The following DOCK5 variants were observed in gnomAD, a reference collection of about 807,000 sequenced individuals.
The protein encoded by DOCK5 is dedicator of cytokinesis protein 5.
A neutral mutation model predicts 251.8 loss-of-function variants in DOCK5; 142 were observed. That is an observed-to-expected ratio of 0.56 (90% CI 0.49 to 0.65). The LOEUF (loss-of-function observed/expected upper bound fraction) is 0.65, where lower values mean the gene tolerates loss of function less well. DOCK5 is among the 30% of genes least tolerant of loss of function. The probability of loss-of-function intolerance (pLI) is 0.00; values close to 1 mark genes in which losing one functional copy is unlikely to be tolerated. For synonymous variants in DOCK5, 842 were observed against 835.5 expected (o/e 1.01, Z -0.13); for missense variants, 2,111 against 2,312.3 (o/e 0.91, Z 1.79).
In DOCK5 at chr8:25,228,493, C is replaced by G. The variant is rs990103277; in HGVS notation, c.44-15181C>G. On this transcript the variant is annotated intron_variant, in intron 1 of 51. Transcript: ENST00000276440. ...TTGTGGCTACCCCATAGGCAGTGTG[C>G]CCACAATGGCAGCTCTGGTTCTACA... is the stretch of plus-strand genomic sequence containing the variant. Among the ~76,000 whole-genome samples, 5 of 152,126 alleles carry G rather than the reference C, an allele frequency of 3.3e-5. No homozygotes were observed. The East Asian group carries it at 5.8e-4, about 18-fold the overall frequency.
chr8:25,359,125 T>A, intron 28 of DOCK5, 64 bp downstream of exon 28: 2 of 1,427,392 alleles, frequency 1.4e-6, no homozygotes, highest in East Asian at 2.3e-5. Flanking sequence ...AAAAAATGAC[T>A]GAAGCTGAGC....
chr8:25,217,108 A>G (rs551804223), intron 1 of DOCK5, among the ~76,000 whole-genome samples: 15 of 149,034 alleles, frequency 1.0e-4, no homozygotes, highest in Admixed American at 2.0e-4. Flanking sequence ...ACACATATAT[A>G]CGTATATATG....
intron 2 of DOCK5, among the ~76,000 whole-genome samples, chr8:25,248,377 C>T (rs950009148): frequency 7.2e-5 from 11 of 152,170 alleles, no homozygotes; most frequent in African/African-American, 2.7e-4. Context: ...CCTAGTCCCT[C>T]TTAACTTTAG....
intron 9 of DOCK5, 112 bp from the exon 10 acceptor site, chr8:25,302,213 A>G: frequency 1.4e-6 from 2 of 1,385,106 alleles, no homozygotes; most frequent in Non-Finnish European, 1.9e-6. Flanking sequence ...ATACTTCAGC[A>G]TTGAGAAATA....
At chr8:25,298,856 G>A (rs967027130) in intron 7 of DOCK5, 88 bp from the exon 8 acceptor site, 2 of 1,380,394 alleles carry the variant, frequency 1.4e-6, no homozygotes, top group East Asian at 2.6e-5. Flanking sequence ...TCTGCCATTT[G>A]CAGGCTTATT....
intron 6 of DOCK5, among the ~76,000 whole-genome samples, 153 bp downstream of exon 6, chr8:25,292,325 T>C (rs1009066728): frequency 1.3e-5 from 2 of 152,118 alleles, no homozygotes; most frequent in African/African-American, 2.4e-5. Flanking sequence ...TTTAATTTTG[T>C]TGAAAAAAAT....
intron 2 of DOCK5, among the ~76,000 whole-genome samples, chr8:25,258,255 A>G (rs1212914596): frequency 6.6e-6 from 1 of 151,856 alleles, no homozygotes; most frequent in East Asian, 2.0e-4. Context: ...TTGTCTCAGA[A>G]GGTATTTACT....
intron 5 of DOCK5, among the ~76,000 whole-genome samples, chr8:25,288,181 C>T (rs905240863): frequency 1.1e-4 from 17 of 152,240 alleles, no homozygotes; most frequent in Admixed American, 6.5e-5. Flanking sequence ...CCACTGCGCC[C>T]GGCCAGCCCG....
chr8:25,194,726 C>T (rs181353811), intron 1 of DOCK5, among the ~76,000 whole-genome samples: 1 of 152,258 alleles, frequency 6.6e-6, no homozygotes, highest in African/African-American at 2.4e-5. Flanking sequence ...CCTCTCTAAC[C>T]CCAGAACCGC....
chr8:25,341,129 G>A (rs1459124477), intron 23 of DOCK5, 141 bp downstream of exon 23: 2 of 579,284 alleles, frequency 3.5e-6, no homozygotes, highest in Non-Finnish European at 5.8e-6. Flanking sequence ...ATGATTTACA[G>A]AAAATAAAGG....
intron 5 of DOCK5, among the ~76,000 whole-genome samples, chr8:25,285,420 C>T (rs1276525838): frequency 2.6e-5 from 4 of 152,128 alleles, no homozygotes; most frequent in Non-Finnish European, 5.9e-5. Flanking sequence ...TGCTGGGATA[C>T]AGGTGTGAGC....
intron 5 of DOCK5, among the ~76,000 whole-genome samples, chr8:25,290,155 A>T (rs1207468803): frequency 2.6e-5 from 4 of 152,232 alleles, no homozygotes; most frequent in Non-Finnish European, 5.9e-5. Context: ...AAACTTTATT[A>T]CCAGCACATA....
Position 25,330,239 on chromosome 8 carries a change from A to G in DOCK5, c.1904-2012A>G, listed in dbSNP as rs975943832. ...GAATATATTAATGATTGGGTTGAGC[A>G]TATTATCAGTTTCCTTAGGGCTACT... On this transcript the variant is annotated intron_variant, in intron 18 of 51. Coordinates refer to ENST00000276440, the MANE Select transcript of DOCK5 (RefSeq NM_024940.8). Among the ~76,000 whole-genome samples the G allele has an allele frequency of 2.0e-5, 3 of 152,224 alleles. No homozygotes were observed. The South Asian group carries it at 6.2e-4, about 32-fold the overall frequency.
intron 1 of DOCK5, among the ~76,000 whole-genome samples, chr8:25,200,292 G>C (rs1334306147): frequency 6.6e-6 from 1 of 152,194 alleles, no homozygotes; most frequent in African/African-American, 2.4e-5. Context: ...TACTCCACAT[G>C]TGGGGAATAA....
rs558658103 is a variant in DOCK5, at chr8:25,287,909, G to A, written c.322-4115G>A. 2.0e-3 allele frequency among the ~76,000 whole-genome samples: 303 copies of A among 150,206 alleles called. 1 individual carries two copies. Among genetic ancestry groups the A allele is most frequent in the Admixed American group, 4.4e-3 (66 of 15,084 alleles). On this transcript the variant is annotated intron_variant, in intron 5 of 51. Transcript: ENST00000276440. ...CTCTTTTTTTTTTTTTTTTGAGATG[G>A]AGTTTCTTTCTTGTCACCCAGACTA...
intron 42 of DOCK5, among the ~76,000 whole-genome samples, chr8:25,390,968 C>A (rs1019227980): frequency 2.6e-5 from 4 of 152,060 alleles, no homozygotes; most frequent in Admixed American, 6.6e-5. Context: ...GCCGCCACAC[C>A]TGGCTAATTT....
chr8:25,298,915 A>G (rs752481523), intron 7 of DOCK5, 29 bp from the exon 8 acceptor site: 3 of 1,556,696 alleles, frequency 1.9e-6, no homozygotes, highest in African/African-American at 1.4e-5. Flanking sequence ...CAAAATCAAG[A>G]TGTTTTTCTC....
At position 25,268,793 on chromosome 8, in the gene DOCK5, T is replaced by C. The variant is rs79118805; in HGVS notation, c.128-52T>C. On this transcript the variant is annotated intron_variant, in intron 2 of 51. Transcript: ENST00000276440. ...TGAGAGTATATATTGCTAATAACTT[T>C]ATGATATCCCAGAAAACATAAAATA... The C allele has an allele frequency of 1.1e-3, 1,611 of 1,490,854 alleles. 19 individuals carry two copies. The African/African-American group carries it at 0.02, about 19-fold the overall frequency. 92.4% of individuals were successfully genotyped at this position (1,490,854 alleles called of 1,614,324 possible). A position where few individuals can be genotyped will look rare whatever the true frequency, so the allele number is the denominator to read the frequency against.
At chr8:25,296,336 A>C (rs1049507775) in intron 6 of DOCK5, among the ~76,000 whole-genome samples, 177 bp from the exon 7 acceptor site, 155 of 152,252 alleles carry the variant, frequency 1.0e-3, no homozygotes, top group Non-Finnish European at 4.7e-4. Context: ...TGAGTTTTCT[A>C]ACAGTGTTGA....
Sources: allele counts gnomAD v4.1 joint callset (sites outside exome capture counted in the v4.1 genomes callset), GRCh38; gene constraint gnomAD v4.1.1; transcripts MANE v1.5; gene names NCBI Gene and HGNC (gene_info 2026-07-23, HGNC 2026-07-21).